Variants in LYPD6 observed in about 807,000 individuals in gnomAD.
LYPD6 encodes the protein ly6/PLAUR domain-containing protein 6.
LYPD6 carries 15 observed loss-of-function variants against 22.7 expected under a neutral mutation model. The ratio of observed to expected loss-of-function variants is 0.66; its 90% CI spans 0.44 to 1.02. The LOEUF (loss-of-function observed/expected upper bound fraction) is 1.02, where lower values mean the gene tolerates loss of function less well. LYPD6 is among the 50% of genes least tolerant of loss of function. The probability of loss-of-function intolerance (pLI) is 0.00; values close to 1 mark genes in which losing one functional copy is unlikely to be tolerated. For synonymous variants in LYPD6, 72 were observed against 77.5 expected (o/e 0.93, Z 0.37); for missense variants, 189 against 208.4 (o/e 0.91, Z 0.57).
chr2:149,372,425 T>C (rs1460939439), intron 1 of LYPD6, among the ~76,000 whole-genome samples: 1 of 152,202 alleles, frequency 6.6e-6, no homozygotes, highest in Non-Finnish European at 1.5e-5. Context: ...TCAAAGCCCA[T>C]GAGTAGAGGC....
chr2:149,465,694 T>A (rs1681184746), intron 3 of LYPD6, among the ~76,000 whole-genome samples: 1 of 152,218 alleles, frequency 6.6e-6, no homozygotes, highest in South Asian at 2.1e-4. Flanking sequence ...AAATGAAAGT[T>A]TGCAATTTAG....
At chr2:149,411,887 C>T (rs1015242826) in intron 1 of LYPD6, among the ~76,000 whole-genome samples, 2 of 152,092 alleles carry the variant, frequency 1.3e-5, no homozygotes, top group African/African-American at 4.8e-5. Flanking sequence ...TGTATTTATG[C>T]ATTTGCTTTT....
intron 4 of LYPD6, among the ~76,000 whole-genome samples, chr2:149,469,398 C>A (rs1246933694): frequency 6.6e-6 from 1 of 152,156 alleles, no homozygotes; most frequent in Non-Finnish European, 1.5e-5. Context: ...CACAGAAAGG[C>A]AGCCTTGCCC....
chr2:149,363,130 A>G (rs144783903), intron 1 of LYPD6, among the ~76,000 whole-genome samples: 2 of 152,288 alleles, frequency 1.3e-5, no homozygotes, highest in African/African-American at 4.8e-5. Flanking sequence ...AAGGTGCCAT[A>G]TTTTGGGTTA....
At chr2:149,438,795 G>C (rs1683491851) in intron 2 of LYPD6, among the ~76,000 whole-genome samples, 1 of 152,206 alleles carries the variant, frequency 6.6e-6, no homozygotes, top group Non-Finnish European at 1.5e-5. Flanking sequence ...TAGCTGAGAG[G>C]TGGTATGCAG....
chr2:149,400,853 C>T (rs983884584), intron 1 of LYPD6, among the ~76,000 whole-genome samples: 2 of 151,988 alleles, frequency 1.3e-5, no homozygotes, highest in South Asian at 2.1e-4. Flanking sequence ...ATCCTCACTC[C>T]GGGGGCTTAA....
intron 3 of LYPD6, among the ~76,000 whole-genome samples, chr2:149,458,308 G>A (rs543478196): frequency 6.6e-6 from 1 of 152,252 alleles, no homozygotes; most frequent in South Asian, 2.1e-4. Context: ...GCAACAATGA[G>A]ATGCCTCTAC....
At chr2:149,332,662 C>G (rs1358083006) in intron 1 of LYPD6, among the ~76,000 whole-genome samples, 1 of 152,168 alleles carries the variant, frequency 6.6e-6, no homozygotes, top group Non-Finnish European at 1.5e-5. Flanking sequence ...TCCCTTCCTT[C>G]CTTCCTTTTT....
At chr2:149,423,734 A>G (rs954703958) in intron 1 of LYPD6, among the ~76,000 whole-genome samples, 1 of 125,550 alleles carries the variant, frequency 8.0e-6, no homozygotes, top group Admixed American at 1.0e-4. Context: ...AGACTAGTTA[A>G]TAGACGTTCA....
chr2:149,389,025 TCAGA>T (rs1682249554), intron 1 of LYPD6, among the ~76,000 whole-genome samples: 1 of 152,128 alleles, frequency 6.6e-6, no homozygotes, highest in Non-Finnish European at 1.5e-5. Context: ...GTGGGCATTG[TCAGA>T]TCAGGTTACA....
In LYPD6 at chr2:149,353,359, C is replaced by T. The variant is rs1296866916; in HGVS notation, c.-72+22637C>T. ...CTCACTGTATTTGTAGGAGATGCAA[C>T]TCGGAGTGTTAAGGATAGGATGATG... On this transcript the variant is annotated intron_variant, in intron 1 of 4. Coordinates refer to ENST00000334166, the MANE Select transcript of LYPD6 (RefSeq NM_194317.5). 2.6e-5 allele frequency among the ~76,000 whole-genome samples: 4 copies of T among 152,160 alleles called. No individual in the cohort carries two copies. The South Asian group carries it at 6.2e-4, about 24-fold the overall frequency.
At chr2:149,365,919 A>C (rs1681652403) in intron 1 of LYPD6, among the ~76,000 whole-genome samples, 1 of 152,212 alleles carries the variant, frequency 6.6e-6, no homozygotes, top group Non-Finnish European at 1.5e-5. Context: ...AACCCTGGCT[A>C]TCAGGGCAGA....
chr2:149,470,173 A>G (rs554133350), intron 4 of LYPD6, among the ~76,000 whole-genome samples: 1 of 152,302 alleles, frequency 6.6e-6, no homozygotes, highest in African/African-American at 2.4e-5. Flanking sequence ...GCATGAATGA[A>G]AACCCTTCAA....
chr2:149,460,782 G>A (rs1015257555), intron 3 of LYPD6, among the ~76,000 whole-genome samples: 4 of 152,030 alleles, frequency 2.6e-5, no homozygotes, highest in African/African-American at 9.7e-5. Context: ...ATCATACAGA[G>A]TGTTTTCTGA....
rs181652837 is a variant in LYPD6 at position 149,428,863 on chromosome 2, C to T, written c.-71-8775C>T. Among the ~76,000 whole-genome samples, 385 of 152,298 alleles carry T rather than the reference C, an allele frequency of 2.5e-3. 2 individuals carry two copies. The highest frequency in any genetic ancestry group is 0.01 in the Middle Eastern group (3 of 294). ...AATTTTTAGAGAAGAAAATAGGTAA[C>T]GTTCCTACTTGTCAATAGGTAACAT... is the stretch of plus-strand genomic sequence containing the variant. On this transcript the variant is annotated intron_variant, in intron 1 of 4. Coordinates refer to ENST00000334166, the MANE Select transcript of LYPD6 (RefSeq NM_194317.5).
At chr2:149,403,716 T>C (rs1682620091) in intron 1 of LYPD6, among the ~76,000 whole-genome samples, 1 of 152,094 alleles carries the variant, frequency 6.6e-6, no homozygotes, top group Admixed American at 6.5e-5. Flanking sequence ...TCTCTTGCTG[T>C]GCAGAAGCTC....
chr2:149,454,409 C>T (rs1314966629), intron 3 of LYPD6, among the ~76,000 whole-genome samples: 1 of 152,164 alleles, frequency 6.6e-6, no homozygotes, highest in Non-Finnish European at 1.5e-5. Flanking sequence ...ATGTATGTGG[C>T]ATTCCTCCAT....
At chr2:149,436,840 CA>C (rs1264682857) in intron 1 of LYPD6, among the ~76,000 whole-genome samples, 1 of 152,196 alleles carries the variant, frequency 6.6e-6, no homozygotes, top group Non-Finnish European at 1.5e-5. Context: ...CTTGGCCTCC[CA>C]AAGTGCTGGG....
At chr2:149,385,253 T>A (rs1374681641) in intron 1 of LYPD6, among the ~76,000 whole-genome samples, 1 of 152,156 alleles carries the variant, frequency 6.6e-6, no homozygotes, top group Non-Finnish European at 1.5e-5. Flanking sequence ...AAACCCAGCC[T>A]ACCCATCTCA....
Sources: gnomAD v4.1 joint callset for allele counts (sites outside exome capture counted in the v4.1 genomes callset) on GRCh38, gnomAD v4.1.1 for gene constraint, MANE v1.5 for transcripts, NCBI Gene and HGNC (gene_info 2026-07-23, HGNC 2026-07-21) for gene names.